Variants in SGPP2 observed in about 807,000 individuals in gnomAD.
SGPP2 encodes sphingosine-1-phosphate phosphatase 2.
SGPP2 carries 30 observed loss-of-function variants against 33.9 expected under a neutral mutation model. The ratio of observed to expected loss-of-function variants is 0.89; its 90% confidence interval spans 0.66 to 1.20. SGPP2 has a LOEUF of 1.20. Among genes scored for constraint, SGPP2 ranks in the 50% most tolerant of loss-of-function variants. The pLI, the probability that SGPP2 is intolerant of heterozygous loss-of-function variation, is 0.00. For synonymous variants in SGPP2, 233 were observed against 225.0 expected (o/e 1.04, Z -0.32); for missense variants, 458 against 532.1 (o/e 0.86, Z 1.37).
In SGPP2 at chr2:222,477,286, G is replaced by T. The variant is rs1020646079; in HGVS notation, c.378+2560G>T. Reference sequence around the variant, plus strand: ...ATAGGTGTATATGTATGTGTGTATGGGTGTGTATATGTGTGTATATAGGTG... The same window carrying T: ...ATAGGTGTATATGTATGTGTGTATGTGTGTGTATATGTGTGTATATAGGTG... On this transcript the variant is annotated intron_variant, in intron 2 of 4. Transcript: ENST00000321276. This position sits in a 1 kb window ranked among gnomAD's most constrained non-coding sequence, Gnocchi z 6.0. 6.8e-6 allele frequency among the ~76,000 whole-genome samples: 1 copy of T among 146,354 alleles called. No homozygotes were observed. The highest frequency in any genetic ancestry group is 2.2e-4 in the South Asian group (1 of 4,580).
chr2:222,523,267 T>C (rs933767409), intron 3 of SGPP2, among the ~76,000 whole-genome samples: 1 of 152,222 alleles, frequency 6.6e-6, no homozygotes, highest in African/African-American at 2.4e-5. Context: ...TTGTCATAAG[T>C]TACTTAAACT....
At chr2:222,475,638 A>G (rs960711898) in intron 2 of SGPP2, among the ~76,000 whole-genome samples, 6 of 152,206 alleles carry the variant, frequency 3.9e-5, no homozygotes, top group African/African-American at 1.4e-4. Context: ...CAGAAACCAT[A>G]TGACAATCCC....
chr2:222,535,805 C>T (rs532575079), intron 4 of SGPP2, among the ~76,000 whole-genome samples: 8 of 152,208 alleles, frequency 5.3e-5, no homozygotes, highest in Non-Finnish European at 1.2e-4. Flanking sequence ...AGGCTAGTGG[C>T]CAGGCAGCCA....
At chr2:222,517,694 C>T (rs1698626057) in intron 2 of SGPP2, among the ~76,000 whole-genome samples, 1 of 152,188 alleles carries the variant, frequency 6.6e-6, no homozygotes, top group Non-Finnish European at 1.5e-5. Context: ...GACACACATC[C>T]CTAGACTCCT....
chr2:222,464,407 G>C (rs898644726), intron 1 of SGPP2, among the ~76,000 whole-genome samples: 1 of 152,186 alleles, frequency 6.6e-6, no homozygotes, highest in Non-Finnish European at 1.5e-5. Context: ...ATAAAGGCTT[G>C]CTTCTAACCC....
intron 1 of SGPP2, among the ~76,000 whole-genome samples, chr2:222,461,052 G>T (rs1050739509): frequency 6.6e-6 from 1 of 152,062 alleles, no homozygotes; most frequent in Non-Finnish European, 1.5e-5. Flanking sequence ...CACCACATTC[G>T]GCTGTTTTTC....
intron 2 of SGPP2, among the ~76,000 whole-genome samples, chr2:222,505,671 C>T (rs1698432870): frequency 6.6e-6 from 1 of 152,086 alleles, no homozygotes; most frequent in African/African-American, 2.4e-5. Flanking sequence ...TGGTGGCTCA[C>T]ACCTGTAATC....
intron 1 of SGPP2, among the ~76,000 whole-genome samples, chr2:222,434,841 T>TTA (rs1697210666): frequency 6.6e-6 from 1 of 151,812 alleles, no homozygotes; most frequent in Non-Finnish European, 1.5e-5. Flanking sequence ...AGGTGAAAGA[T>TTA]AATTAAAGGG....
chr2:222,478,860 GT>G (rs763636636), intron 2 of SGPP2, among the ~76,000 whole-genome samples: 4 of 152,032 alleles, frequency 2.6e-5, no homozygotes, highest in Non-Finnish European at 5.9e-5. Flanking sequence ...TACATCTTTT[GT>G]TGCTTTTATA....
At chr2:222,441,043 T>C (rs1697318419) in intron 1 of SGPP2, among the ~76,000 whole-genome samples, 1 of 152,252 alleles carries the variant, frequency 6.6e-6, no homozygotes, top group Non-Finnish European at 1.5e-5. Flanking sequence ...ACTTTGTCCA[T>C]GTGTAATTTC....
At chr2:222,448,236 A>G (rs1697425919) in intron 1 of SGPP2, among the ~76,000 whole-genome samples, 1 of 152,214 alleles carries the variant, frequency 6.6e-6, no homozygotes, top group Non-Finnish European at 1.5e-5. Flanking sequence ...TTGGAGTTTT[A>G]TCTTTGCTCT....
At chr2:222,500,859 G>A (rs1310587542) in intron 2 of SGPP2, among the ~76,000 whole-genome samples, 2 of 152,188 alleles carry the variant, frequency 1.3e-5, no homozygotes, top group South Asian at 2.1e-4. Flanking sequence ...TCGTAGCAAA[G>A]CATTTCACCA....
intron 2 of SGPP2, among the ~76,000 whole-genome samples, chr2:222,515,431 C>T (rs556001358): frequency 3.9e-5 from 6 of 152,174 alleles, no homozygotes; most frequent in African/African-American, 1.4e-4. Context: ...CGGGTTCAAG[C>T]GATTCTGCTG....
At chr2:222,440,378 C>G (rs991893950) in intron 1 of SGPP2, among the ~76,000 whole-genome samples, 10 of 150,256 alleles carry the variant, frequency 6.7e-5, no homozygotes, top group African/African-American at 2.4e-4. Flanking sequence ...GAATCTCATT[C>G]TGTTGCCCAG....
intron 4 of SGPP2, among the ~76,000 whole-genome samples, chr2:222,528,153 T>A (rs1698788829): frequency 6.6e-6 from 1 of 152,164 alleles, no homozygotes; most frequent in Admixed American, 6.5e-5. Context: ...ATGGGAAGCT[T>A]CTAAAAAAAT....
intron 1 of SGPP2, among the ~76,000 whole-genome samples, chr2:222,435,038 G>A (rs1393456336): frequency 2.0e-5 from 3 of 148,576 alleles, no homozygotes; most frequent in African/African-American, 7.5e-5. Context: ...GTATATATAT[G>A]TGTATATATA....
At chr2:222,521,144 G>A (rs570225544) in intron 2 of SGPP2, among the ~76,000 whole-genome samples, 1 of 152,336 alleles carries the variant, frequency 6.6e-6, no homozygotes, top group Non-Finnish European at 1.5e-5. Context: ...AGTAAATGCA[G>A]TATGTTGCCT....
intron 2 of SGPP2, among the ~76,000 whole-genome samples, chr2:222,497,273 G>A (rs1698296266): frequency 1.4e-5 from 1 of 72,180 alleles, no homozygotes; most frequent in Non-Finnish European, 2.9e-5. Context: ...TTTTTTTTTA[G>A]ACGGAGTCTT....
chr2:222,494,574 C>A (rs890830449), intron 2 of SGPP2, among the ~76,000 whole-genome samples: 4 of 152,258 alleles, frequency 2.6e-5, no homozygotes, highest in African/African-American at 9.6e-5. Context: ...TCACATGAGA[C>A]ATGCCGAGGG....
Sources: allele counts gnomAD v4.1 joint callset (sites outside exome capture counted in the v4.1 genomes callset), GRCh38; gene constraint gnomAD v4.1.1; non-coding constraint Gnocchi (gnomAD v3.1); transcripts MANE v1.5; gene names NCBI Gene and HGNC (gene_info 2026-07-23, HGNC 2026-07-21).